NFE2L2: variants seen among roughly 807,000 people sequenced by gnomAD.
NFE2L2 encodes the protein NFE2 like bZIP transcription factor 2.
A neutral mutation model predicts 49.6 loss-of-function variants in NFE2L2; 20 were observed. The observed-to-expected ratio is 0.40, with a 90% CI of 0.28 to 0.59. The LOEUF (loss-of-function observed/expected upper bound fraction) is 0.59. NFE2L2 is among the 20% of genes least tolerant of loss of function. The probability of loss-of-function intolerance (pLI) is 0.40; values close to 1 mark genes in which losing one functional copy is unlikely to be tolerated. For missense variants in NFE2L2, 578 were observed against 714.2 expected (o/e 0.81, Z 2.17); for synonymous variants, 244 against 256.5 (o/e 0.95, Z 0.47).
chr2:177,232,815 G>A, intron 3 of NFE2L2: 1 of 527,694 alleles, frequency 1.9e-6, no homozygotes, highest in Admixed American at 3.2e-5. Context: ...ACTTTAAAAT[G>A]CGTAAGTACA....
At chr2:177,262,160 A>G (rs929616397) in intron 1 of NFE2L2, among the ~76,000 whole-genome samples, 2 of 152,184 alleles carry the variant, frequency 1.3e-5, no homozygotes, top group Non-Finnish European at 2.9e-5. Context: ...CTCTCAAGAG[A>G]TTTTTCACAT....
chr2:177,245,205 C>A (rs1690083635), intron 1 of NFE2L2, among the ~76,000 whole-genome samples: 1 of 151,890 alleles, frequency 6.6e-6, no homozygotes, highest in African/African-American at 2.4e-5. Context: ...TCCATCTCAG[C>A]CAAGATGGGA....
intron 1 of NFE2L2, among the ~76,000 whole-genome samples, chr2:177,236,523 C>T (rs544734202): frequency 1.3e-5 from 2 of 152,246 alleles, no homozygotes; most frequent in East Asian, 3.9e-4. Flanking sequence ...GAAACTATTC[C>T]TCAAAACAGC....
chr2:177,248,598 A>G (rs1335501507), intron 1 of NFE2L2, among the ~76,000 whole-genome samples: 1 of 152,146 alleles, frequency 6.6e-6, no homozygotes, highest in Non-Finnish European at 1.5e-5. Context: ...TAGTAGAGAC[A>G]GGGTTTCTCC....
chr2:177,236,699 G>A (rs1203091356), intron 1 of NFE2L2, among the ~76,000 whole-genome samples: 1 of 152,152 alleles, frequency 6.6e-6, no homozygotes, highest in Non-Finnish European at 1.5e-5. Context: ...CATGGCATTT[G>A]CTGCAAATAA....
intron 1 of NFE2L2, among the ~76,000 whole-genome samples, chr2:177,236,937 G>T (rs1452849045): frequency 6.6e-6 from 1 of 151,828 alleles, no homozygotes; most frequent in Non-Finnish European, 1.5e-5. Context: ...ATGCAATCAT[G>T]GCTCACTGCA....
At chr2:177,247,468 T>A (rs1193785108) in intron 1 of NFE2L2, among the ~76,000 whole-genome samples, 1 of 152,014 alleles carries the variant, frequency 6.6e-6, no homozygotes, top group Non-Finnish European at 1.5e-5. Flanking sequence ...AAGACCAGCC[T>A]GGCCAACATG....
chr2:177,246,774 CTT>C (rs56311819), intron 1 of NFE2L2, among the ~76,000 whole-genome samples: 3 of 117,516 alleles, frequency 2.6e-5, no homozygotes, highest in Non-Finnish European at 3.3e-5. Flanking sequence ...TAATATTTTA[CTT>C]TTTTTTTTTT....
chr2:177,262,739 AAAT>A (rs138113967), intron 1 of NFE2L2, among the ~76,000 whole-genome samples: 4,548 of 152,282 alleles, frequency 0.03, 229 homozygotes, highest in African/African-American at 0.1. Context: ...AAAAATTCAA[AAAT>A]AATAGAGGGC....
intron 3 of NFE2L2, chr2:177,232,882 T>A (rs1166848169): frequency 2.2e-6 from 1 of 458,254 alleles, no homozygotes; most frequent in Admixed American, 3.9e-5. Flanking sequence ...TAAAACAGAT[T>A]TATTAAAATT....
Position 177,231,408 on chromosome 2 carries a change from A to G in NFE2L2, c.1195T>C (p.Ser399Pro). 6.2e-7 allele frequency: 1 copy of G among 1,614,254 alleles called. No individual in the cohort carries two copies. ...KQNGPKTPVHSSGDMVQPLSP... is the reference protein window; with the variant it reads ...KQNGPKTPVHPSGDMVQPLSP... ...AAGGGTTGTACCATATCCCCAGAAG[A>G]ATGTACTGGTGTTTTAGGACCATTC... Residue 399 changes from serine to proline, a missense_variant, in exon 5 of 5, where the codon TCT (serine) becomes CCT (proline). Ser to Pro is a moderately conservative substitution (Grantham distance 74, BLOSUM62 -1). This residue lies in a region of NFE2L2 where 368 missense variants were observed against 384.6 expected (regional missense o/e 0.96). Coordinates refer to ENST00000397062, the MANE Select transcript of NFE2L2 (RefSeq NM_006164.5).
At chr2:177,258,401 T>C (rs72946143) in intron 1 of NFE2L2, among the ~76,000 whole-genome samples, 6,084 of 152,248 alleles carry the variant, frequency 0.04, 176 homozygotes, top group Non-Finnish European at 0.06. Flanking sequence ...GGCAAATCCA[T>C]AGGTACAGAA....
In NFE2L2 at chr2:177,264,664, GCGGCGGCGGCGGCGGTGGCGGCTGCGT is replaced by G; in HGVS notation, c.-115_-89del. On this transcript the variant is annotated 5_prime_UTR_variant, in exon 1 of 5. Transcript: ENST00000397062. ...CGGCGCGGACAGGGCGGCTCTGGTG[GCGGCGGCGGCGGCGGTGGCGGCTGCGT>G]CGGCGGCTCCTCCGGGCTCCCCGGC... The G allele has an allele frequency of 3.9e-6, 2 of 512,800 alleles. No homozygotes were observed. The highest frequency in any genetic ancestry group is 1.2e-4 in the South Asian group (1 of 8,116). 31.8% of individuals were successfully genotyped at this position (512,800 alleles called of 1,614,324 possible). A position where few individuals can be genotyped will look rare whatever the true frequency, so the allele number is the denominator to read the frequency against.
chr2:177,242,831 T>C (rs931211208), intron 1 of NFE2L2, among the ~76,000 whole-genome samples: 1 of 151,954 alleles, frequency 6.6e-6, no homozygotes, highest in African/African-American at 2.4e-5. Context: ...TGATCCTACC[T>C]GCTACAAAAA....
chr2:177,263,314 G>A, intron 1 of NFE2L2: 1 of 949,862 alleles, frequency 1.1e-6, no homozygotes, highest in Non-Finnish European at 1.3e-6. Context: ...CATATATAAA[G>A]TACTCAGGGG....
chr2:177,255,993 T>A (rs1049299498), intron 1 of NFE2L2: 4 of 154,690 alleles, frequency 2.6e-5, no homozygotes, highest in African/African-American at 4.8e-5. Flanking sequence ...AATGAGAGTT[T>A]TTTACTTGCC....
At chr2:177,254,682 C>A (rs1690455831) in intron 1 of NFE2L2, among the ~76,000 whole-genome samples, 1 of 152,170 alleles carries the variant, frequency 6.6e-6, no homozygotes, top group South Asian at 2.1e-4. Context: ...TCCTATCAAT[C>A]TTTATAAAGG....
intron 1 of NFE2L2, among the ~76,000 whole-genome samples, chr2:177,248,858 C>T (rs1013877327): frequency 6.6e-6 from 1 of 152,146 alleles, no homozygotes; most frequent in East Asian, 1.9e-4. Context: ...CAGATCATGT[C>T]CCCTGCCCAG....
At chr2:177,239,322 C>T (rs1357137140) in intron 1 of NFE2L2, among the ~76,000 whole-genome samples, 5 of 151,958 alleles carry the variant, frequency 3.3e-5, no homozygotes, top group African/African-American at 7.3e-5. Context: ...TCAGTGCAAT[C>T]GTAATAGGAC....
Sources: gnomAD v4.1 joint callset for allele counts (sites outside exome capture counted in the v4.1 genomes callset) on GRCh38, gnomAD v4.1.1 for gene constraint, gnomAD v4.1.1 regional missense constraint, MANE v1.5 for transcripts, NCBI Gene and HGNC (gene_info 2026-07-23, HGNC 2026-07-21) for gene names.